The following SARDH variants were observed in gnomAD, a reference collection of about 807,000 sequenced individuals.
SARDH encodes sarcosine dehydrogenase, mitochondrial.
SARDH carries 95 observed loss-of-function variants against 109.1 expected under a neutral mutation model. The observed-to-expected ratio is 0.87, with a 90% CI of 0.74 to 1.03. The LOEUF (loss-of-function observed/expected upper bound fraction) is 1.03, where lower values mean the gene tolerates loss of function less well. Ranked by LOEUF, SARDH falls within the 50% of genes least tolerant of loss-of-function variation. The probability of loss-of-function intolerance (pLI) is 0.00; values close to 1 mark genes in which losing one functional copy is unlikely to be tolerated. For synonymous variants in SARDH, 572 were observed against 534.8 expected (o/e 1.07, Z -0.96); for missense variants, 1,267 against 1,287.8 (o/e 0.98, Z 0.25).
intron 6 of SARDH, among the ~76,000 whole-genome samples, chr9:133,723,656 G>A (rs908431500): frequency 3.3e-5 from 5 of 152,280 alleles, no homozygotes; most frequent in East Asian, 3.9e-4. Flanking sequence ...CCAGCTACTC[G>A]GGAGGCTGAG....
intron 1 of SARDH, among the ~76,000 whole-genome samples, 193 bp from the exon 2 acceptor site, chr9:133,734,396 C>CTCATTCATTCACTCAT (rs1220963373): frequency 3.1e-5 from 4 of 128,724 alleles, no homozygotes; most frequent in Non-Finnish European, 6.7e-5. Flanking sequence ...CATTCATTCA[C>CTCATTCATTCACTCAT]TCATTCATTC....
At position 133,670,375 on chromosome 9, in the gene SARDH, T is replaced by G. The variant is rs370875825; in HGVS notation, c.2495+209A>C. Reference sequence around the variant, plus strand: ...AGCAAACTCTCTCTGCCTTTCTGCCTTTAACAACATGTGACCTGGCCAGAT... The same window carrying G: ...AGCAAACTCTCTCTGCCTTTCTGCCGTTAACAACATGTGACCTGGCCAGAT... On this transcript the variant is annotated intron_variant, in intron 19 of 20. Transcript: ENST00000439388. Among the ~76,000 whole-genome samples, 10 of 152,036 alleles carry G rather than the reference T, an allele frequency of 6.6e-5. No individual in the cohort carries two copies. The East Asian group carries it at 1.5e-3, about 24-fold the overall frequency.
chr9:133,737,268 T>G (rs1832915322), intron 1 of SARDH, among the ~76,000 whole-genome samples: 1 of 152,116 alleles, frequency 6.6e-6, no homozygotes, highest in African/African-American at 2.4e-5. Context: ...CAGTGCCCCA[T>G]CCCAAGGGAG....
rs1831826352 is a variant in SARDH at position 133,709,343 on chromosome 9, C to T, written c.1329-915G>A. ...GGTCTCCTCAGACCAGCCACCCGTC[C>T]CGAATCCGACAGTGCGGAACTGCTG... is the stretch of plus-strand genomic sequence containing the variant. On this transcript the variant is annotated intron_variant, in intron 10 of 20. Coordinates refer to ENST00000439388, the MANE Select transcript of SARDH (RefSeq NM_001134707.2). The surrounding 1 kb of genome is among the most constrained non-coding windows in gnomAD (Gnocchi z 4.2). 6.6e-6 allele frequency among the ~76,000 whole-genome samples: 1 copy of T among 152,160 alleles called. No homozygotes were observed. Among genetic ancestry groups the T allele is most frequent in the Admixed American group, 6.5e-5 (1 of 15,286 alleles).
intron 8 of SARDH, among the ~76,000 whole-genome samples, chr9:133,713,596 A>G (rs1213396198): frequency 6.6e-6 from 1 of 152,234 alleles, no homozygotes; most frequent in Non-Finnish European, 1.5e-5. Context: ...CAGGTGCTTG[A>G]TAAATGTCTG....
chr9:133,691,925 C>T (rs1282772323), intron 15 of SARDH, among the ~76,000 whole-genome samples: 1 of 152,150 alleles, frequency 6.6e-6, no homozygotes, highest in Non-Finnish European at 1.5e-5. Context: ...CAAACCTTCC[C>T]AGCAACCAGC....
intron 17 of SARDH, among the ~76,000 whole-genome samples, chr9:133,677,700 C>T (rs1284316894): frequency 6.6e-6 from 1 of 152,226 alleles, no homozygotes; most frequent in African/African-American, 2.4e-5. Context: ...CTGCTTGGCC[C>T]TGGCTGGGGG....
rs371931593 is a variant in SARDH at position 133,731,299 on chromosome 9, C to G, written c.690+6G>C. ...AGGGGACCCAGAGCCAGGCGGCCATCAGTACCTGTGCTCCTCGGGCAGAAG... is the reference window on the plus strand; with the variant it reads ...AGGGGACCCAGAGCCAGGCGGCCATGAGTACCTGTGCTCCTCGGGCAGAAG... On this transcript the variant is annotated splice_donor_region_variant and intron_variant, in intron 4 of 20. Transcript: ENST00000439388. 23 of 1,613,740 alleles carry G rather than the reference C, an allele frequency of 1.4e-5. No homozygotes were observed. The highest frequency in any genetic ancestry group is 1.9e-5 in the Non-Finnish European group (22 of 1,179,890).
At chr9:133,732,640 G>A (rs377148908) in intron 2 of SARDH, 39 bp from the exon 3 acceptor site, 20 of 1,557,236 alleles carry the variant, frequency 1.3e-5, no homozygotes, top group South Asian at 2.4e-5. Context: ...CCCAGGGAGT[G>A]GACTGCACCT....
chr9:133,685,383 C>A, intron 16 of SARDH, 97 bp from the exon 17 acceptor site: 1 of 850,992 alleles, frequency 1.2e-6, no homozygotes, highest in Non-Finnish European at 1.9e-6. Flanking sequence ...GGATAAGTCC[C>A]TGTCCTCATG....
In SARDH at chr9:133,692,515, C is replaced by A. The variant is rs1831135160; in HGVS notation, c.1921+1743G>T. Among the ~76,000 whole-genome samples the A allele has an allele frequency of 6.6e-6, 1 of 152,192 alleles. No homozygotes were observed. On this transcript the variant is annotated intron_variant, in intron 15 of 20. Coordinates refer to ENST00000439388, the MANE Select transcript of SARDH (RefSeq NM_001134707.2). This position sits in a 1 kb window ranked among gnomAD's most constrained non-coding sequence, Gnocchi z 5.0. ...AGCCAGTGGCTCCTCCCCATCCTTC[C>A]AAGCTCAGGCCGGCCCTCTCCTCCA...
At chr9:133,734,417 T>G (rs1448653698) in intron 1 of SARDH, among the ~76,000 whole-genome samples, 1 of 70,320 alleles carries the variant, frequency 1.4e-5, no homozygotes, top group African/African-American at 3.0e-5. Flanking sequence ...ACTCATTCAT[T>G]CATTCATTCA....
In SARDH at chr9:133,663,679, G is replaced by A. The variant is rs1829957546; in HGVS notation, c.*210C>T. ...GTTTGCTTTCTGGGAGGATTGGGGT[G>A]GATTAGAGACTGCCTTCCAGTCAGT... is the stretch of plus-strand genomic sequence containing the variant. On this transcript the variant is annotated 3_prime_UTR_variant, in exon 21 of 21. Transcript: ENST00000439388. The A allele has an allele frequency of 3.1e-6, 2 of 646,578 alleles. No homozygotes were observed. Among genetic ancestry groups the A allele is most frequent in the Non-Finnish European group, 2.7e-6 (1 of 372,906 alleles). 40.1% of individuals were successfully genotyped at this position (646,578 alleles called of 1,614,324 possible).
chr9:133,701,513 G>C (rs1588422176), intron 13 of SARDH, among the ~76,000 whole-genome samples: 1 of 152,248 alleles, frequency 6.6e-6, no homozygotes, highest in African/African-American at 2.4e-5. Flanking sequence ...CACGTGTTTC[G>C]TGCTTTAGGA....
intron 16 of SARDH, 72 bp from the exon 17 acceptor site, chr9:133,685,358 G>A: frequency 1.6e-6 from 2 of 1,242,164 alleles, no homozygotes; most frequent in Non-Finnish European, 1.1e-6. Context: ...AGGCCCCGGG[G>A]ACCTGCCATG....
chr9:133,684,438 G>A (rs1830812718), intron 17 of SARDH, among the ~76,000 whole-genome samples: 1 of 152,358 alleles, frequency 6.6e-6, no homozygotes, highest in Middle Eastern at 3.4e-3. Context: ...GGCAAACAGG[G>A]GCTGCTGTGT....
intron 17 of SARDH, among the ~76,000 whole-genome samples, chr9:133,677,509 A>T (rs1306460904): frequency 6.6e-6 from 1 of 152,160 alleles, no homozygotes; most frequent in African/African-American, 2.4e-5. Flanking sequence ...CCTGTTTAGG[A>T]ATAGGTGCTT....
rs149921348 is a variant in SARDH, at chr9:133,696,231, C to T, written c.1799G>A (p.Arg600Gln). Residue 600 changes from arginine (R) to glutamine (Q), a missense_variant, in exon 14 of 21, where the codon CGA (arginine) becomes CAA (glutamine). Physicochemically the swap from Arg to Gln is conservative, Grantham distance 43. Coordinates refer to ENST00000439388, the MANE Select transcript of SARDH (RefSeq NM_001134707.2). ...ADWLFSADVS[R>Q]PPGSTVYTCM... ...AACCTCAGGCTCCATACCTGGGGGT[C>T]GGCTGACATCTGCGGAGAAGAGCCA... 4.5e-5 allele frequency: 73 copies of T among 1,613,930 alleles called. No individual in the cohort carries two copies. In the African/African-American group the frequency reaches 4.9e-4, roughly 11 times the overall value.
intron 2 of SARDH, among the ~76,000 whole-genome samples, chr9:133,733,200 G>T (rs2131512572): frequency 6.6e-6 from 1 of 152,274 alleles, no homozygotes; most frequent in Middle Eastern, 3.4e-3. Flanking sequence ...GCTCTCAGGA[G>T]CCCAGGGATA....
Sources: gnomAD v4.1 joint callset for allele counts (sites outside exome capture counted in the v4.1 genomes callset) on GRCh38, gnomAD v4.1.1 for gene constraint, Gnocchi (gnomAD v3.1) non-coding constraint, MANE v1.5 for transcripts, NCBI Gene and HGNC (gene_info 2026-07-23, HGNC 2026-07-21) for gene names.